The following HTR2C variants were observed in gnomAD, a reference collection of about 807,000 sequenced individuals.
The protein encoded by HTR2C is 5-hydroxytryptamine (serotonin) receptor 2C, G protein-coupled.
In HTR2C, 5 loss-of-function variants were observed where a neutral mutation model predicts 21.0. The ratio of observed to expected loss-of-function variants is 0.24; its 90% confidence interval spans 0.12 to 0.50. The LOEUF (loss-of-function observed/expected upper bound fraction) is 0.50, where lower values mean the gene tolerates loss of function less well. Ranked by LOEUF, HTR2C falls within the 20% of genes least tolerant of loss-of-function variation. The pLI, the probability that HTR2C is intolerant of heterozygous loss-of-function variation, is 0.98. For missense variants in HTR2C, 271 were observed against 371.2 expected (o/e 0.73, Z 2.22); for synonymous variants, 150 against 145.3 (o/e 1.03, Z -0.23).
intron 2 of HTR2C, among the ~76,000 whole-genome samples, chrX:114,623,897 TTTG>T (rs1556402286): frequency 9.3e-5 from 8 of 85,594 alleles, no homozygotes; most frequent in African/African-American, 2.5e-4. Flanking sequence ...TGTCTCTTTT[TTTG>T]TTGTTGTTTT....
intron 4 of HTR2C, among the ~76,000 whole-genome samples, chrX:114,830,195 T>G (rs1001575333): frequency 9.0e-6 from 1 of 111,237 alleles, no homozygotes; most frequent in Non-Finnish European, 1.9e-5. Flanking sequence ...TAATGATCGA[T>G]GCTTGCCTCC....
At chrX:114,707,354 A>G (rs782115110) in intron 2 of HTR2C, among the ~76,000 whole-genome samples, 1 of 111,321 alleles carries the variant, frequency 9.0e-6, no homozygotes, top group Non-Finnish European at 1.9e-5. Flanking sequence ...CCAGGAGATC[A>G]AGACTGCAGA....
chrX:114,611,690 G>GTT (rs200906880), intron 1 of HTR2C, among the ~76,000 whole-genome samples: 4 of 110,607 alleles, frequency 3.6e-5, no homozygotes, highest in African/African-American at 1.3e-4. Flanking sequence ...CAAAGTTGTG[G>GTT]TTTTTTTTAG....
intron 4 of HTR2C, among the ~76,000 whole-genome samples, chrX:114,802,953 T>C (rs1314243103): frequency 1.3e-5 from 1 of 77,666 alleles, no homozygotes; most frequent in Admixed American, 1.7e-4. Flanking sequence ...CATTGTTCAA[T>C]TCCCACCTAT....
At chrX:114,720,449 T>C (rs1556420447) in intron 2 of HTR2C, among the ~76,000 whole-genome samples, 1 of 110,533 alleles carries the variant, frequency 9.0e-6, no homozygotes, top group African/African-American at 3.3e-5. Context: ...TCCAAATTTC[T>C]AGAAGGAGCT....
chrX:114,835,130 C>T (rs1359862869), intron 4 of HTR2C, among the ~76,000 whole-genome samples: 1 of 100,175 alleles, frequency 1.0e-5, no homozygotes, highest in Non-Finnish European at 2.0e-5. Flanking sequence ...TCTCTGGCTG[C>T]CCTTAACATT....
chrX:114,702,947 T>C (rs1932596178), intron 2 of HTR2C, among the ~76,000 whole-genome samples: 2 of 86,714 alleles, frequency 2.3e-5, no homozygotes, highest in African/African-American at 7.9e-5. Context: ...CCAACAAAGA[T>C]AAAAAGAGAC....
chrX:114,679,547 G>A lies in HTR2C; in HGVS notation c.-79-47311G>A, dbSNP rs782425037. 4.5e-5 allele frequency among the ~76,000 whole-genome samples: 5 copies of A among 111,155 alleles called. No homozygotes were observed. The South Asian group carries it at 1.9e-3, about 42-fold the overall frequency. ...GCCCGTCTCGGCCTCCCAAAGTGCT[G>A]GAATTACAAATGTGAGCCACTGCAC... is the stretch of plus-strand genomic sequence containing the variant. On this transcript the variant is annotated intron_variant, in intron 2 of 5. Coordinates refer to ENST00000276198, the MANE Select transcript of HTR2C (RefSeq NM_000868.4).
intron 1 of HTR2C, among the ~76,000 whole-genome samples, chrX:114,608,415 C>T (rs1328104559): frequency 2.0e-5 from 2 of 100,602 alleles, no homozygotes; most frequent in Non-Finnish European, 2.0e-5. Flanking sequence ...ACTCCACATA[C>T]TTCTTCAACC....
At chrX:114,857,396 G>A (rs1361228644) in intron 5 of HTR2C, among the ~76,000 whole-genome samples, 3 of 111,273 alleles carry the variant, frequency 2.7e-5, no homozygotes, top group Admixed American at 9.6e-5. Context: ...AGATTTGGCC[G>A]ATGAACCATA....
intron 4 of HTR2C, among the ~76,000 whole-genome samples, chrX:114,834,572 A>C (rs781921471): frequency 1.9e-5 from 2 of 107,863 alleles, no homozygotes; most frequent in Non-Finnish European, 3.8e-5. Context: ...ATCTTCCTCC[A>C]TCCTTTTATT....
chrX:114,673,457 A>G (rs1556412091), intron 2 of HTR2C, among the ~76,000 whole-genome samples: 1 of 111,000 alleles, frequency 9.0e-6, no homozygotes, highest in African/African-American at 3.3e-5. Context: ...CCTCTTTGCT[A>G]CTCTCTCTTC....
intron 5 of HTR2C, among the ~76,000 whole-genome samples, chrX:114,849,780 T>C (rs1332595713): frequency 8.9e-6 from 1 of 112,111 alleles, no homozygotes; most frequent in Non-Finnish European, 1.9e-5. Context: ...GGTTTCCAAT[T>C]TTGGGGCATA....
chrX:114,731,356 T>G lies in HTR2C; in HGVS notation c.98T>G (p.Ile33Arg), dbSNP rs782499464. Residue 33 changes from isoleucine (I) to arginine (R), a missense_variant, in exon 4 of 6, where the codon ATA becomes AGA. Ile to Arg is a moderately conservative substitution (Grantham distance 97, BLOSUM62 -3). This residue lies in a region of HTR2C where 57 missense variants were observed against 64.0 expected (regional missense o/e 0.89). Coordinates refer to ENST00000276198, the MANE Select transcript of HTR2C (RefSeq NM_000868.4). ...ATTTCTGTGAGCCCAGTAGCAGCTA[T>G]AGTAACTGACATTTTCAATACCTCC... ...SDISVSPVAA[I>R]VTDIFNTSDG... The G allele has an allele frequency of 8.3e-7, 1 of 1,205,429 alleles. No individual in the cohort carries two copies. The highest frequency in any genetic ancestry group is 1.8e-5 in the South Asian group (1 of 56,644).
intron 4 of HTR2C, among the ~76,000 whole-genome samples, chrX:114,818,245 G>A (rs782469999): frequency 3.0e-4 from 33 of 111,368 alleles, no homozygotes; most frequent in Non-Finnish European, 6.0e-4. Flanking sequence ...AAGGACACAC[G>A]TATATGAGTT....
intron 1 of HTR2C, among the ~76,000 whole-genome samples, chrX:114,611,101 C>G (rs1001141363): frequency 8.9e-6 from 1 of 111,900 alleles, no homozygotes; most frequent in Admixed American, 9.5e-5. Flanking sequence ...TTAAATATCT[C>G]AATCTTCCCC....
At position 114,896,829 on chromosome X, in the gene HTR2C, A is replaced by C. The variant is rs143305005; in HGVS notation, c.551-9760A>C. Among the ~76,000 whole-genome samples, 967 of 111,847 alleles carry C rather than the reference A, an allele frequency of 8.6e-3. 13 individuals are homozygous for C. Among genetic ancestry groups the C allele is most frequent in the African/African-American group, 0.03 (911 of 30,856 alleles). Reference sequence around the variant, plus strand: ...CCTCGTAACTAAACGATTTGGATCAATTACATTTTATGTAATCATCAATAT... The same window carrying C: ...CCTCGTAACTAAACGATTTGGATCACTTACATTTTATGTAATCATCAATAT... On this transcript the variant is annotated intron_variant, in intron 5 of 5. Coordinates refer to ENST00000276198, the MANE Select transcript of HTR2C (RefSeq NM_000868.4).
intron 5 of HTR2C, among the ~76,000 whole-genome samples, chrX:114,864,237 T>C (rs1556473880): frequency 9.0e-6 from 1 of 111,268 alleles, no homozygotes. Context: ...AGTTTACCTT[T>C]ATGAATTGAT....
chrX:114,658,011 T>C (rs1259463081), intron 2 of HTR2C, among the ~76,000 whole-genome samples: 1 of 111,496 alleles, frequency 9.0e-6, no homozygotes, highest in Non-Finnish European at 1.9e-5. Context: ...TACAATATAA[T>C]AGCATTTCTG....
Sources: allele counts gnomAD v4.1 joint callset (sites outside exome capture counted in the v4.1 genomes callset), GRCh38; gene constraint gnomAD v4.1.1; regional missense constraint gnomAD v4.1.1; transcripts MANE v1.5; gene names NCBI Gene and HGNC (gene_info 2026-07-23, HGNC 2026-07-21).